DPYSL5: variants seen among roughly 807,000 people sequenced by gnomAD.
The protein encoded by DPYSL5 is dihydropyrimidinase like 5, also known as dihydropyrimidinase-related protein 5.
A neutral mutation model predicts 58.4 loss-of-function variants in DPYSL5; 9 were observed. That is an observed-to-expected ratio of 0.15 (90% CI 0.09 to 0.27). DPYSL5 has a LOEUF of 0.27. Ranked by LOEUF, DPYSL5 falls within the 10% of genes least tolerant of loss-of-function variation. The probability of loss-of-function intolerance (pLI) is 1.00; values close to 1 mark genes in which losing one functional copy is unlikely to be tolerated. For missense variants in DPYSL5, 499 were observed against 770.6 expected (o/e 0.65, Z 4.17); for synonymous variants, 293 against 301.9 (o/e 0.97, Z 0.31).
In DPYSL5 at chr2:26,849,660, C is replaced by A. The variant is rs894586771; in HGVS notation, c.-5+1406C>A. On this transcript the variant is annotated intron_variant, in intron 1 of 12. Transcript: ENST00000288699. This position sits in a 1 kb window ranked among gnomAD's most constrained non-coding sequence, Gnocchi z 6.2. ...GGAGGCGGATCTCCCTTCGGGGAGA[C>A]CCGGAGAACAATAGCCGACCCTGGT... Among the ~76,000 whole-genome samples the A allele has an allele frequency of 6.6e-6, 1 of 152,224 alleles. No individual in the cohort carries two copies. The highest frequency in any genetic ancestry group is 2.4e-5 in the African/African-American group (1 of 41,456).
chr2:26,892,609 G>A (rs1663909527), intron 1 of DPYSL5, among the ~76,000 whole-genome samples: 1 of 151,962 alleles, frequency 6.6e-6, no homozygotes, highest in Non-Finnish European at 1.5e-5. Context: ...GGCTGAAGCT[G>A]GAGGATTGCT....
chr2:26,908,221 C>T (rs1664348699), intron 2 of DPYSL5, among the ~76,000 whole-genome samples: 1 of 152,176 alleles, frequency 6.6e-6, no homozygotes. Context: ...ACATATAAAA[C>T]AGTTAAGCAT....
chr2:26,943,377 G>C (rs1665375691), intron 11 of DPYSL5, among the ~76,000 whole-genome samples: 1 of 152,184 alleles, frequency 6.6e-6, no homozygotes. Context: ...TGATCGCAGG[G>C]CTAAATCCAA....
intron 1 of DPYSL5, among the ~76,000 whole-genome samples, chr2:26,884,252 A>G (rs1300375293): frequency 6.6e-6 from 1 of 152,128 alleles, no homozygotes; most frequent in Non-Finnish European, 1.5e-5. Context: ...GGGAGTCAGG[A>G]GTCCTTGTCT....
intron 6 of DPYSL5, among the ~76,000 whole-genome samples, chr2:26,932,006 CAAAAAAAAAA>C (rs70953833): frequency 1.4e-4 from 6 of 42,554 alleles, no homozygotes; most frequent in South Asian, 1.1e-3. Context: ...GAGACTCTGT[CAAAAAAAAAA>C]AAAAAAAAAG....
intron 2 of DPYSL5, among the ~76,000 whole-genome samples, chr2:26,921,416 T>C (rs1664699556): frequency 6.6e-6 from 1 of 152,228 alleles, no homozygotes; most frequent in African/African-American, 2.4e-5. Context: ...TAAAAAGTCA[T>C]GAGCATTCAG....
In DPYSL5 at chr2:26,944,117, C is replaced by T. The variant is rs1273301755; in HGVS notation, c.1441-539C>T. ...CCAGCTGGCCAAGATGGTGAAACCC[C>T]GTCTCTATTAAAAATACAAAAATTA... is the stretch of plus-strand genomic sequence containing the variant. On this transcript the variant is annotated intron_variant, in intron 11 of 12. Coordinates refer to ENST00000288699, the MANE Select transcript of DPYSL5 (RefSeq NM_020134.4). This position sits in a 1 kb window ranked among gnomAD's most constrained non-coding sequence, Gnocchi z 4.4. 6.6e-6 allele frequency among the ~76,000 whole-genome samples: 1 copy of T among 152,088 alleles called. No individual in the cohort carries two copies. Among genetic ancestry groups the T allele is most frequent in the African/African-American group, 2.4e-5 (1 of 41,412 alleles).
chr2:26,860,884 T>C (rs1220881101), intron 1 of DPYSL5, among the ~76,000 whole-genome samples: 1 of 152,174 alleles, frequency 6.6e-6, no homozygotes, highest in Non-Finnish European at 1.5e-5. Context: ...ACAAAACCTA[T>C]GATGTTGCTT....
intron 8 of DPYSL5, among the ~76,000 whole-genome samples, chr2:26,937,606 A>G (rs906172459): frequency 2.0e-5 from 3 of 151,996 alleles, no homozygotes; most frequent in Admixed American, 2.0e-4. Context: ...ATCTATAGAT[A>G]TAACTATTTA....
At chr2:26,915,129 A>G (rs936136905) in intron 2 of DPYSL5, among the ~76,000 whole-genome samples, 2 of 151,820 alleles carry the variant, frequency 1.3e-5, no homozygotes, top group African/African-American at 4.8e-5. Context: ...CAGCCCAGCC[A>G]CCTCTGTGCA....
In DPYSL5 at chr2:26,877,995, C is replaced by G. The variant is rs1045113661; in HGVS notation, c.-4-20501C>G. ...TATAAACAACAGTGTTACCAAACAC[C>G]CTCGTACTACATCTTTGTACAACTG... is the stretch of plus-strand genomic sequence containing the variant. On this transcript the variant is annotated intron_variant, in intron 1 of 12. Transcript: ENST00000288699. The surrounding 1 kb of genome is among the most constrained non-coding windows in gnomAD (Gnocchi z 4.1). Among the ~76,000 whole-genome samples, 1 of 152,158 alleles carries G rather than the reference C, an allele frequency of 6.6e-6. No homozygotes were observed. Among genetic ancestry groups the G allele is most frequent in the African/African-American group, 2.4e-5 (1 of 41,442 alleles).
intron 5 of DPYSL5, among the ~76,000 whole-genome samples, chr2:26,930,550 T>G (rs893371058): frequency 2.0e-5 from 3 of 152,162 alleles, no homozygotes; most frequent in Non-Finnish European, 2.9e-5. Flanking sequence ...CTCGGCTGGG[T>G]GCAGTGGCTC....
rs61742729 is a variant in DPYSL5 at position 26,949,363 on chromosome 2, C to T, written c.*2368C>T. ...GGCTGAGAGGACAGAGGTGGTCAGC[C>T]GGGGAGCAGAGGTGGCGAAGGGGCT... On this transcript the variant is annotated 3_prime_UTR_variant, in exon 13 of 13. Coordinates refer to ENST00000288699, the MANE Select transcript of DPYSL5 (RefSeq NM_020134.4). 0.025 allele frequency: 3,880 copies of T among 152,496 alleles called. 77 individuals carry two copies. The highest frequency in any genetic ancestry group is 0.047 in the South Asian group (225 of 4,820). The allele number at this position is 152,496 out of a possible 1,614,324, so 9.4% of individuals were successfully genotyped here.
intron 2 of DPYSL5, among the ~76,000 whole-genome samples, chr2:26,902,972 A>G (rs1305853223): frequency 6.6e-6 from 1 of 152,182 alleles, no homozygotes; most frequent in Non-Finnish European, 1.5e-5. Context: ...CCCCTTGTTT[A>G]GCATATCATC....
upstream of DPYSL5, chr2:26,848,071 C>G (rs931117626): frequency 1.3e-5 from 2 of 151,426 alleles, no homozygotes. Context: ...GAGGCCGCTC[C>G]CAGCCCCCGA....
chr2:26,870,261 T>G (rs923997875), intron 1 of DPYSL5, among the ~76,000 whole-genome samples: 1 of 152,194 alleles, frequency 6.6e-6, no homozygotes, highest in Non-Finnish European at 1.5e-5. Context: ...TCCATGGTTC[T>G]TAGAATTTTT....
At chr2:26,928,067 G>A (rs1405641671) in intron 4 of DPYSL5, among the ~76,000 whole-genome samples, 188 bp from the exon 5 acceptor site, 1 of 152,192 alleles carries the variant, frequency 6.6e-6, no homozygotes, top group African/African-American at 2.4e-5. Flanking sequence ...AATCAGGAGA[G>A]CCCCACTGCA....
chr2:26,848,117 C>G (rs1050138682), upstream of DPYSL5: 1 of 151,550 alleles, frequency 6.6e-6, no homozygotes, highest in African/African-American at 2.4e-5. Context: ...TCTGGACTCC[C>G]GCGCTGGGCG....
Position 26,924,189 on chromosome 2 carries a change from G to A in DPYSL5, c.262-698G>A, listed in dbSNP as rs748406130. The stretch of plus-strand genomic sequence containing the variant: ...ATTTCTTTTTAAAGTGGTATCTTGC[G>A]GAGTTGTGAATAGGATCCGTTTTCA... On this transcript the variant is annotated intron_variant, in intron 2 of 12. Coordinates refer to ENST00000288699, the MANE Select transcript of DPYSL5 (RefSeq NM_020134.4). This position sits in a 1 kb window ranked among gnomAD's most constrained non-coding sequence, Gnocchi z 4.7. Among the ~76,000 whole-genome samples, 43 of 152,092 alleles carry A rather than the reference G, an allele frequency of 2.8e-4. No individual in the cohort carries two copies. Among genetic ancestry groups the A allele is most frequent in the Non-Finnish European group, 4.0e-4 (27 of 68,022 alleles).
Sources: allele counts gnomAD v4.1 joint callset (sites outside exome capture counted in the v4.1 genomes callset), GRCh38; gene constraint gnomAD v4.1.1; non-coding constraint Gnocchi (gnomAD v3.1); transcripts MANE v1.5; gene names NCBI Gene and HGNC (gene_info 2026-07-23, HGNC 2026-07-21).